RGS6: variants seen among roughly 807,000 people sequenced by gnomAD.
RGS6 encodes the protein regulator of G-protein signaling 6.
In RGS6, 30 loss-of-function variants were observed where a neutral mutation model predicts 78.5. The ratio of observed to expected loss-of-function variants is 0.38; its 90% confidence interval spans 0.29 to 0.52. RGS6 has a LOEUF of 0.52. Among genes scored for constraint, RGS6 ranks in the 20% least tolerant of loss-of-function variants. The pLI is 0.85. For missense variants in RGS6, 495 were observed against 609.7 expected, an observed-to-expected ratio of 0.81 and a Z score of 1.98; for synonymous variants, 206 against 206.0, an observed-to-expected ratio of 1.00 and a Z score of 0.00.
chr14:72,110,871 A>G (rs118092186), intron 2 of RGS6, among the ~76,000 whole-genome samples: 90 of 152,240 alleles, frequency 5.9e-4, no homozygotes, highest in Non-Finnish European at 1.3e-3. Flanking sequence ...AACCACACCT[A>G]CATCTTTGTC....
At chr14:71,961,858 A>G (rs2093225686) in intron 1 of RGS6, among the ~76,000 whole-genome samples, 1 of 152,202 alleles carries the variant, frequency 6.6e-6, no homozygotes, top group Non-Finnish European at 1.5e-5. Flanking sequence ...TTTCTCTACC[A>G]CTAAATTTAA....
chr14:72,458,425 C>T, intron 5 of RGS6, 48 bp downstream of exon 5: 1 of 1,369,658 alleles, frequency 7.3e-7, no homozygotes, highest in Non-Finnish European at 1.0e-6. Flanking sequence ...TTCACAACAT[C>T]ATCTGATCTT....
intron 2 of RGS6, among the ~76,000 whole-genome samples, chr14:72,343,015 C>T (rs117615103): frequency 6.6e-6 from 1 of 152,316 alleles, no homozygotes; most frequent in Non-Finnish European, 1.5e-5. Context: ...AAGATGCATA[C>T]TAATCTGTTT....
intron 2 of RGS6, among the ~76,000 whole-genome samples, chr14:72,195,900 A>T (rs376368446): frequency 1.3e-5 from 2 of 152,234 alleles, no homozygotes; most frequent in African/African-American, 4.8e-5. Flanking sequence ...CAGAAGAGTC[A>T]ATACCACACA....
intron 2 of RGS6, among the ~76,000 whole-genome samples, chr14:72,319,936 T>A (rs186903367): frequency 2.0e-5 from 3 of 152,330 alleles, no homozygotes; most frequent in East Asian, 3.9e-4. Flanking sequence ...ATTTATAGAT[T>A]GAAGGAGTCT....
intron 2 of RGS6, among the ~76,000 whole-genome samples, chr14:72,140,612 A>C (rs1443399689): frequency 6.6e-6 from 1 of 152,238 alleles, no homozygotes; most frequent in Non-Finnish European, 1.5e-5. Context: ...GCAAATGTTA[A>C]CAGAGGCCTG....
chr14:72,133,210 A>G (rs2096365416), intron 2 of RGS6, among the ~76,000 whole-genome samples: 1 of 152,128 alleles, frequency 6.6e-6, no homozygotes, highest in Non-Finnish European at 1.5e-5. Context: ...CCAAGTTTCA[A>G]GATCTCTGGT....
intron 2 of RGS6, among the ~76,000 whole-genome samples, chr14:72,252,307 CAGTT>C (rs2056007659): frequency 6.6e-6 from 1 of 152,266 alleles, no homozygotes; most frequent in Admixed American, 6.5e-5. Context: ...TTCTTTTTAT[CAGTT>C]AGTTTAGAAA....
At chr14:72,237,189 A>G (rs1383160554) in intron 2 of RGS6, among the ~76,000 whole-genome samples, 1 of 152,186 alleles carries the variant, frequency 6.6e-6, no homozygotes, top group African/African-American at 2.4e-5. Flanking sequence ...ATCTGTACCC[A>G]TTTTAGTGCT....
chr14:72,048,043 G>A (rs2092991873), intron 2 of RGS6, among the ~76,000 whole-genome samples: 1 of 151,860 alleles, frequency 6.6e-6, no homozygotes, highest in Admixed American at 6.6e-5. Context: ...CATGGTACCT[G>A]GATGAGCATC....
At chr14:72,378,021 A>T (rs1285369501) in intron 3 of RGS6, among the ~76,000 whole-genome samples, 2 of 152,134 alleles carry the variant, frequency 1.3e-5, no homozygotes, top group Non-Finnish European at 2.9e-5. Context: ...ATTTAATCTG[A>T]CCGCAATGGA....
At chr14:72,194,379 T>C (rs2153724631) in intron 2 of RGS6, among the ~76,000 whole-genome samples, 1 of 152,210 alleles carries the variant, frequency 6.6e-6, no homozygotes, top group East Asian at 1.9e-4. Flanking sequence ...TTATTTTTAT[T>C]TATTTTGTTG....
At chr14:72,374,003 T>C (rs1238701668) in intron 3 of RGS6, among the ~76,000 whole-genome samples, 1 of 152,194 alleles carries the variant, frequency 6.6e-6, no homozygotes, top group African/African-American at 2.4e-5. Flanking sequence ...TTTTATAAAA[T>C]TAATCATTTG....
At chr14:72,569,715 G>A (rs935881769), downstream of RGS6, among the ~76,000 whole-genome samples, 8 of 151,780 alleles carry the variant, frequency 5.3e-5, no homozygotes, top group Non-Finnish European at 7.4e-5. Flanking sequence ...AGGGAGGGAG[G>A]GAACGAATGA....
chr14:72,529,981 TTTGC>T (rs2097162529), intron 15 of RGS6, among the ~76,000 whole-genome samples: 1 of 152,260 alleles, frequency 6.6e-6, no homozygotes, highest in Non-Finnish European at 1.5e-5. Flanking sequence ...TCAATAACTA[TTTGC>T]TGAATATTAT....
At chr14:72,349,532 G>A (rs1475879939) in intron 2 of RGS6, among the ~76,000 whole-genome samples, 3 of 152,158 alleles carry the variant, frequency 2.0e-5, no homozygotes, top group Non-Finnish European at 4.4e-5. Context: ...GGAACTGGGG[G>A]GCAATAATTC....
At chr14:72,539,630 G>A (rs533391280) in intron 16 of RGS6, among the ~76,000 whole-genome samples, 1 of 152,164 alleles carries the variant, frequency 6.6e-6, no homozygotes, top group South Asian at 2.1e-4. Flanking sequence ...AGGACTTGGG[G>A]GGCCCCCAGG....
intron 2 of RGS6, among the ~76,000 whole-genome samples, chr14:72,280,673 T>C (rs1332921379): frequency 1.3e-5 from 2 of 152,250 alleles, no homozygotes; most frequent in Non-Finnish European, 2.9e-5. Flanking sequence ...AGACATTTTA[T>C]TATTTAATCT....
At chr14:72,574,076 G>T in the RGS6 span, among the ~76,000 whole-genome samples, 1 of 152,156 alleles carries the variant, frequency 6.6e-6, no homozygotes, top group African/African-American at 2.4e-5. Flanking sequence ...CATGCCCAGT[G>T]GTTTGGAATA....
Sources: allele counts gnomAD v4.1 joint callset (sites outside exome capture counted in the v4.1 genomes callset), GRCh38; gene constraint gnomAD v4.1.1; transcripts MANE v1.5; gene names NCBI Gene and HGNC (gene_info 2026-07-23, HGNC 2026-07-21).